Variants in ZNF91 observed in about 807,000 individuals in gnomAD.
The protein encoded by ZNF91 is zinc finger protein 91 (HPF7, HTF10).
A neutral mutation model predicts 12.6 loss-of-function variants in ZNF91; 7 were observed. That is an observed-to-expected ratio of 0.55 (90% confidence interval 0.31 to 1.04). ZNF91 has a LOEUF of 1.04. Ranked by LOEUF, ZNF91 falls within the 50% of genes least tolerant of loss-of-function variation. The pLI, the probability that ZNF91 is intolerant of heterozygous loss-of-function variation, is 0.05. For missense variants in ZNF91, 1,217 were observed against 1,385.4 expected (o/e 0.88, Z 1.93); for synonymous variants, 453 against 462.6 (o/e 0.98, Z 0.27).
At chr19:23,339,567 C>G (rs1025706957) in intron 3 of ZNF91, 2 of 152,074 alleles carry the variant, frequency 1.3e-5, no homozygotes, top group Non-Finnish European at 2.9e-5. Context: ...AAATCAGTAT[C>G]AAGAGAAATT....
chr19:23,382,980 T>C (rs974428384), intron 1 of ZNF91, among the ~76,000 whole-genome samples: 2 of 152,134 alleles, frequency 1.3e-5, no homozygotes, highest in African/African-American at 2.4e-5. Flanking sequence ...AAAAGTAACT[T>C]CTCTCCAACT....
At chr19:23,352,137 C>G (rs1885044267) in intron 3 of ZNF91, among the ~76,000 whole-genome samples, 1 of 152,124 alleles carries the variant, frequency 6.6e-6, no homozygotes, top group Non-Finnish European at 1.5e-5. Flanking sequence ...AGGCAGGAAG[C>G]CTTAAGAAAT....
At position 23,394,603 on chromosome 19, in the gene ZNF91, C is replaced by T. The variant is rs1407856587; in HGVS notation, c.30+722G>A. Among the ~76,000 whole-genome samples the T allele has an allele frequency of 2.6e-5, 4 of 151,986 alleles. No individual in the cohort carries two copies. The East Asian group carries it at 7.8e-4, about 29-fold the overall frequency. ...AAAATTGGCCTGGTGTGGTGGCAGG[C>T]GCCTGTAATCCCAGCTACTAGGGCT... On this transcript the variant is annotated intron_variant, in intron 1 of 3. Transcript: ENST00000300619.
intron 3 of ZNF91, among the ~76,000 whole-genome samples, chr19:23,369,224 C>T (rs1389637482): frequency 2.0e-5 from 3 of 152,072 alleles, no homozygotes; most frequent in Admixed American, 6.5e-5. Context: ...GCAGGAGAAT[C>T]GCTTGAACCC....
upstream of ZNF91, among the ~76,000 whole-genome samples, chr19:23,313,327 C>T (rs1228661112): frequency 6.6e-6 from 1 of 152,178 alleles, no homozygotes; most frequent in African/African-American, 2.4e-5. Context: ...TGGTGCTGCC[C>T]ACAGGGCACA....
chr19:23,317,015 G>A (rs1967575183), intron 1 of ZNF91, among the ~76,000 whole-genome samples: 1 of 152,080 alleles, frequency 6.6e-6, no homozygotes, highest in African/African-American at 2.4e-5. Flanking sequence ...TCCGTCATAT[G>A]CTACAGTTGG....
chr19:23,329,386 T>A (rs1464794595), intron 1 of ZNF91, among the ~76,000 whole-genome samples: 26 of 152,180 alleles, frequency 1.7e-4, no homozygotes, highest in Non-Finnish European at 2.9e-5. Context: ...GCATCAGAAC[T>A]CCTTTCAAGG....
At chr19:23,336,083 T>C (rs554187687), downstream of ZNF91, among the ~76,000 whole-genome samples, 2 of 152,368 alleles carry the variant, frequency 1.3e-5, no homozygotes, top group Admixed American at 6.5e-5. Flanking sequence ...TGGCAGGTTT[T>C]ACACTGTGCA....
chr19:23,328,588 G>A (rs1242557426), intron 1 of ZNF91: 2 of 152,188 alleles, frequency 1.3e-5, no homozygotes, highest in African/African-American at 4.8e-5. Flanking sequence ...GGGCCAAAAA[G>A]TAGTATGATG....
chr19:23,350,848 C>T (rs1968346222), intron 3 of ZNF91, among the ~76,000 whole-genome samples: 1 of 152,042 alleles, frequency 6.6e-6, no homozygotes, highest in African/African-American at 2.4e-5. Flanking sequence ...GACTATAAAA[C>T]CCCTGCCCTG....
At chr19:23,376,627 G>A (rs1969513142) in intron 1 of ZNF91, among the ~76,000 whole-genome samples, 1 of 152,100 alleles carries the variant, frequency 6.6e-6, no homozygotes, top group South Asian at 2.1e-4. Flanking sequence ...AACCTCAGGT[G>A]ATCTGCCCGC....
chr19:23,387,887 G>A (rs952887049), intron 1 of ZNF91, among the ~76,000 whole-genome samples: 5 of 144,418 alleles, frequency 3.5e-5, no homozygotes, highest in African/African-American at 1.3e-4. Context: ...AGGTTGCAGT[G>A]AGCTGAGATG....
At chr19:23,367,331 TTAAGAA>T (rs1969056309) in intron 3 of ZNF91, among the ~76,000 whole-genome samples, 1 of 151,726 alleles carries the variant, frequency 6.6e-6, no homozygotes, top group Admixed American at 6.6e-5. Flanking sequence ...ACAAATAAAT[TTAAGAA>T]TATCAATATT....
rs368595251 is a variant in ZNF91, at chr19:23,331,393, C to T, written n.117-22296G>A. ...ATTATATCTGGTAATACAGGCCATG[C>T]GATGTGTCTTAGGGTTGTCTGTAAT... On this transcript the variant is annotated intron_variant and non_coding_transcript_variant, in intron 1 of 1. Transcript: ENST00000596528. 9.2e-5 allele frequency among the ~76,000 whole-genome samples: 14 copies of T among 152,248 alleles called. No homozygotes were observed. In the South Asian group the frequency reaches 2.9e-3, roughly 32 times the overall value.
At chr19:23,321,577 T>C (rs1294341472) in intron 1 of ZNF91, among the ~76,000 whole-genome samples, 2 of 152,080 alleles carry the variant, frequency 1.3e-5, no homozygotes, top group South Asian at 2.1e-4. Flanking sequence ...ACAGGGGAGA[T>C]TGTTACATAT....
At chr19:23,376,846 T>A (rs1274702879) in intron 1 of ZNF91, among the ~76,000 whole-genome samples, 3 of 152,178 alleles carry the variant, frequency 2.0e-5, no homozygotes, top group Non-Finnish European at 4.4e-5. Flanking sequence ...AAAAAAGCCA[T>A]TTTTTCTCTT....
chr19:23,345,680 C>G (rs1320472828), intron 3 of ZNF91, among the ~76,000 whole-genome samples: 1 of 152,036 alleles, frequency 6.6e-6, no homozygotes, highest in African/African-American at 2.4e-5. Context: ...TCTCAACCAT[C>G]TTCTTTCACC....
In ZNF91 at chr19:23,357,908, A is replaced by G. The variant is rs1036265531; in HGVS notation, c.*1495T>C. ...GTGTCCGTATCAAAATATGCCACATATGGCATAATATGTACACATATTAGG... is the reference window on the plus strand; with the variant it reads ...GTGTCCGTATCAAAATATGCCACATGTGGCATAATATGTACACATATTAGG... On this transcript the variant is annotated 3_prime_UTR_variant, in exon 4 of 4. Coordinates refer to ENST00000300619, the MANE Select transcript of ZNF91 (RefSeq NM_003430.4). 6.6e-6 allele frequency: 1 copy of G among 152,192 alleles called. No homozygotes were observed. Among genetic ancestry groups the G allele is most frequent in the Non-Finnish European group, 1.5e-5 (1 of 68,008 alleles). 9.4% of individuals were successfully genotyped at this position (152,192 alleles called of 1,614,324 possible).
Position 23,360,614 on chromosome 19 carries a change from T to G in ZNF91, c.2365A>C (p.Lys789Gln). The G allele has an allele frequency of 1.2e-6, 2 of 1,613,978 alleles. No individual in the cohort carries two copies. Among genetic ancestry groups the G allele is most frequent in the Non-Finnish European group, 1.7e-6 (2 of 1,179,950 alleles). The change falls in exon 4 of 4, where the codon AAG (lysine) becomes CAG (glutamine). Residue 789 changes from lysine (K) to glutamine (Q), a missense_variant. Lys to Gln is a moderately conservative substitution (Grantham distance 53, BLOSUM62 1). Coordinates refer to ENST00000300619, the MANE Select transcript of ZNF91 (RefSeq NM_003430.4). ...FIWSSTLTRH[K>Q]RIHTGEKPYK... Reference sequence around the variant, plus strand: ...GGCTTCTCTCCAGTGTGTATCCTCTTATGTCTAGTTAGGGTTGAAGACCAT... The same window carrying G: ...GGCTTCTCTCCAGTGTGTATCCTCTGATGTCTAGTTAGGGTTGAAGACCAT...
Sources: allele counts gnomAD v4.1 joint callset (sites outside exome capture counted in the v4.1 genomes callset), GRCh38; gene constraint gnomAD v4.1.1; transcripts MANE v1.5; gene names NCBI Gene and HGNC (gene_info 2026-07-23, HGNC 2026-07-21).